The following SMYD3 variants were observed in gnomAD, a reference collection of about 807,000 sequenced individuals.
SMYD3 encodes SET and MYND domain containing 3, also known as histone-lysine N-methyltransferase SMYD3.
SMYD3 carries 36 observed loss-of-function variants against 57.7 expected under a neutral mutation model. That is an observed-to-expected ratio of 0.62 (90% CI 0.48 to 0.82). The LOEUF is 0.82. SMYD3 is among the 40% of genes least tolerant of loss of function. The pLI is 0.00. For synonymous variants in SMYD3, 211 were observed against 195.0 expected (o/e 1.08, Z -0.68); for missense variants, 515 against 538.8 (o/e 0.96, Z 0.44).
intron 5 of SMYD3, among the ~76,000 whole-genome samples, chr1:245,937,625 G>A (rs554138498): frequency 6.6e-6 from 1 of 152,126 alleles, no homozygotes; most frequent in Non-Finnish European, 1.5e-5. Context: ...TTTATTACAA[G>A]ACATCATTAT....
chr1:245,993,961 C>T (rs538371419), intron 5 of SMYD3, among the ~76,000 whole-genome samples: 27 of 152,240 alleles, frequency 1.8e-4, no homozygotes, highest in African/African-American at 6.0e-4. Flanking sequence ...AATATTCCAT[C>T]CAGGGGCTTC....
chr1:245,990,099 A>G (rs2058785327), intron 5 of SMYD3, among the ~76,000 whole-genome samples: 1 of 152,026 alleles, frequency 6.6e-6, no homozygotes, highest in Admixed American at 6.5e-5. Context: ...ACAGGGCCTC[A>G]GTCTGTGGCT....
chr1:246,316,288 G>A (rs1487521288), intron 5 of SMYD3, among the ~76,000 whole-genome samples: 1 of 151,502 alleles, frequency 6.6e-6, no homozygotes, highest in Non-Finnish European at 1.5e-5. Context: ...TCAGGAGACT[G>A]AGGCAGGAAG....
chr1:246,366,506 G>C (rs968978820), intron 1 of SMYD3, among the ~76,000 whole-genome samples: 1 of 151,640 alleles, frequency 6.6e-6, no homozygotes, highest in Non-Finnish European at 1.5e-5. Flanking sequence ...GGGCAGCAGT[G>C]AGAGGGAACA....
intron 5 of SMYD3, among the ~76,000 whole-genome samples, chr1:246,218,583 T>C (rs1386213296): frequency 6.6e-6 from 1 of 150,950 alleles, no homozygotes; most frequent in Admixed American, 6.6e-5. Flanking sequence ...ATGGCGCCAC[T>C]GCACTCCAGC....
At chr1:246,208,601 A>G (rs1025510399) in intron 5 of SMYD3, among the ~76,000 whole-genome samples, 1 of 152,170 alleles carries the variant, frequency 6.6e-6, no homozygotes, top group African/African-American at 2.4e-5. Context: ...GGCTAACGGA[A>G]GCTACATGTT....
At chr1:246,490,456 T>C (rs181461240) in intron 1 of SMYD3, among the ~76,000 whole-genome samples, 2 of 152,302 alleles carry the variant, frequency 1.3e-5, no homozygotes, top group Non-Finnish European at 2.9e-5. Flanking sequence ...GGTCTTGGGA[T>C]TCACAGAAAA....
intron 5 of SMYD3, among the ~76,000 whole-genome samples, chr1:246,093,965 CGT>C (rs1301466278): frequency 1.3e-5 from 2 of 151,990 alleles, no homozygotes; most frequent in Non-Finnish European, 2.9e-5. Context: ...GTCGGTGTAG[CGT>C]GTGTTTCACT....
rs1457193098 is a variant in SMYD3, at chr1:246,355,092, T to C, written c.167A>G (p.Lys56Arg). ...CTGAGAGCATCGCATCAGCTTTTCC[T>C]TCCTGTGGGGAAAAAAATTAATTCT... ...GVVCDRCLLG[K>R]EKLMRCSQCR... Residue 56 changes from lysine (K) to arginine (R), a missense_variant and splice_region_variant, in exon 2 of 12, where the codon AAG becomes AGG. Physicochemically the swap from Lys to Arg is conservative, Grantham distance 26 (BLOSUM62 2). Transcript: ENST00000490107. The surrounding 1 kb of genome is among the most constrained non-coding windows in gnomAD (Gnocchi z 5.0). The C allele has an allele frequency of 1.9e-6, 3 of 1,613,986 alleles. No homozygotes were observed. Among genetic ancestry groups the C allele is most frequent in the African/African-American group, 1.3e-5 (1 of 74,930 alleles).
chr1:246,210,722 AC>A (rs1024296628), intron 5 of SMYD3, among the ~76,000 whole-genome samples: 5 of 151,780 alleles, frequency 3.3e-5, no homozygotes, highest in African/African-American at 9.7e-5. Flanking sequence ...AAAAACAAAA[AC>A]AAAAAAAACA....
chr1:246,448,759 T>G (rs562911190), intron 1 of SMYD3, among the ~76,000 whole-genome samples: 18 of 145,822 alleles, frequency 1.2e-4, no homozygotes, highest in African/African-American at 4.3e-4. Context: ...GATTAGTAAC[T>G]GTCAGCTTCC....
intron 5 of SMYD3, among the ~76,000 whole-genome samples, chr1:246,010,321 CTCCT>C (rs2059259687): frequency 6.6e-6 from 1 of 152,102 alleles, no homozygotes; most frequent in African/African-American, 2.4e-5. Context: ...GTTTTCTCCT[CTCCT>C]TCATCAGTTC....
intron 5 of SMYD3, among the ~76,000 whole-genome samples, chr1:246,145,089 A>C (rs2061822760): frequency 6.6e-6 from 1 of 152,206 alleles, no homozygotes; most frequent in Non-Finnish European, 1.5e-5. Flanking sequence ...TCACACACTC[A>C]ATCATAGTAA....
chr1:246,039,119 G>A (rs2059826175), intron 5 of SMYD3, among the ~76,000 whole-genome samples: 1 of 152,106 alleles, frequency 6.6e-6, no homozygotes, highest in Admixed American at 6.6e-5. Context: ...AACATAGACC[G>A]TGGAAATTTG....
chr1:246,463,784 C>T (rs1461881828), intron 1 of SMYD3, among the ~76,000 whole-genome samples: 3 of 132,388 alleles, frequency 2.3e-5, no homozygotes, highest in Non-Finnish European at 4.6e-5. Flanking sequence ...TGCAGTGAGC[C>T]GAGATCGCAC....
intron 5 of SMYD3, among the ~76,000 whole-genome samples, chr1:246,178,552 T>C (rs552774481): frequency 2.2e-4 from 33 of 152,244 alleles, no homozygotes; most frequent in African/African-American, 7.9e-4. Context: ...CAATATTTAC[T>C]GAAACAAGCA....
chr1:246,426,406 C>T (rs936706690), intron 1 of SMYD3, among the ~76,000 whole-genome samples: 3 of 152,130 alleles, frequency 2.0e-5, no homozygotes, highest in Non-Finnish European at 2.9e-5. Flanking sequence ...GAGTTACTCC[C>T]TATCCCTACC....
intron 2 of SMYD3, among the ~76,000 whole-genome samples, chr1:246,344,131 C>T (rs1039541947): frequency 2.0e-5 from 3 of 152,102 alleles, no homozygotes; most frequent in African/African-American, 7.2e-5. Context: ...AATCCTCCCA[C>T]CTTAGCCTCC....
chr1:246,456,777 G>A (rs1489619493), intron 1 of SMYD3, among the ~76,000 whole-genome samples: 1 of 152,164 alleles, frequency 6.6e-6, no homozygotes, highest in African/African-American at 2.4e-5. Context: ...CAGGTCTAAG[G>A]AGTCATTGCA....
Sources: gnomAD v4.1 joint callset for allele counts (sites outside exome capture counted in the v4.1 genomes callset) on GRCh38, gnomAD v4.1.1 for gene constraint, Gnocchi (gnomAD v3.1) non-coding constraint, MANE v1.5 for transcripts, NCBI Gene and HGNC (gene_info 2026-07-23, HGNC 2026-07-21) for gene names.